The following TOP1MT variants were observed in gnomAD, a reference collection of about 807,000 sequenced individuals.
TOP1MT encodes the protein DNA topoisomerase I, mitochondrial.
In TOP1MT, 80 loss-of-function variants were observed where a neutral mutation model predicts 73.9. The ratio of observed to expected loss-of-function variants is 1.08; its 90% CI spans 0.90 to 1.30. TOP1MT has a LOEUF of 1.30. Ranked by LOEUF, TOP1MT falls within the 50% of genes most tolerant of loss-of-function variation. The pLI, the probability that TOP1MT is intolerant of heterozygous loss-of-function variation, is 0.00. For missense variants in TOP1MT, 815 were observed against 808.0 expected (o/e 1.01, Z -0.10); for synonymous variants, 338 against 326.4 (o/e 1.04, Z -0.38).
chr8:143,328,215 G>A (rs911741303), intron 3 of TOP1MT: 12 of 455,642 alleles, frequency 2.6e-5, no homozygotes, highest in Middle Eastern at 3.2e-4. Context: ...ATTGATAAAC[G>A]GCATAACTAA....
chr8:143,329,454 T>G lies in TOP1MT; in HGVS notation c.256A>C (p.Ser86Arg). 6.2e-7 allele frequency: 1 copy of G among 1,610,090 alleles called. No homozygotes were observed. The highest frequency in any genetic ancestry group is 1.1e-5 in the South Asian group (1 of 90,538). The change falls in exon 3 of 14, where the codon AGC (serine) becomes CGC (arginine). Residue 86 changes from serine to arginine, a missense_variant. By Grantham distance (110) the Ser-to-Arg change is moderately radical. Transcript: ENST00000329245. The part of the protein sequence containing the change: ...FFYEGRPVRL[S>R]VAAEEVATFY... Reference sequence around the variant, plus strand: ...GTGGCGACCTCCTCCGCTGCCACGCTCAATCTCACAGGCCTTCCTGCAGGC... The same window carrying G: ...GTGGCGACCTCCTCCGCTGCCACGCGCAATCTCACAGGCCTTCCTGCAGGC...
chr8:143,321,793 A>C (rs1816397927), intron 7 of TOP1MT, among the ~76,000 whole-genome samples: 1 of 73,368 alleles, frequency 1.4e-5, no homozygotes, highest in Non-Finnish European at 2.6e-5. Flanking sequence ...CCACACACGC[A>C]CGCCACACAC....
At chr8:143,346,398 C>T (rs1195830023), upstream of TOP1MT, among the ~76,000 whole-genome samples, 1 of 152,094 alleles carries the variant, frequency 6.6e-6, no homozygotes, top group East Asian at 1.9e-4. Context: ...CAGGCATTGC[C>T]CCTCAAATTT....
At chr8:143,352,970 G>A (rs1408539821) in intron 1 of TOP1MT, among the ~76,000 whole-genome samples, 1 of 152,054 alleles carries the variant, frequency 6.6e-6, no homozygotes, top group Non-Finnish European at 1.5e-5. Flanking sequence ...CACATAAATT[G>A]AACTCAGGTA....
rs1816638060 is a variant in TOP1MT, at chr8:143,324,126, T to A, written c.833A>T (p.Gln278Leu). ...CSKLKGETAWQKFETARRLRG... is the reference protein window; with the variant it reads ...CSKLKGETAWLKFETARRLRG... ...CAGGCGTCGAGCTGTTTCAAACTTCTGCCAAGCTGTCTCCCCCTAAACGAA... is the reference window on the plus strand; with the variant it reads ...CAGGCGTCGAGCTGTTTCAAACTTCAGCCAAGCTGTCTCCCCCTAAACGAA... Residue 278 changes from glutamine (Q) to leucine (L), a missense_variant, in exon 7 of 14, where the codon CAG (glutamine) becomes CTG (leucine). This residue lies in a region of TOP1MT where 751 missense variants were observed against 725.4 expected (regional missense o/e 1.04). Transcript: ENST00000329245. The A allele has an allele frequency of 6.2e-7, 1 of 1,613,658 alleles. No homozygotes were observed. The highest frequency in any genetic ancestry group is 1.1e-5 in the South Asian group (1 of 91,088).
At chr8:143,317,262 A>G (rs4551374) in intron 10 of TOP1MT, among the ~76,000 whole-genome samples, 147,892 of 152,196 alleles carry the variant, frequency 0.97, 71,874 homozygotes, top group East Asian at 1. Context: ...AAGCTTAGAC[A>G]GCATCCCCAG....
At chr8:143,321,952 C>CAG (rs1491163390) in intron 7 of TOP1MT, among the ~76,000 whole-genome samples, 1 of 125,704 alleles carries the variant, frequency 8.0e-6, no homozygotes, top group Non-Finnish European at 1.6e-5. Context: ...ACGCCACACA[C>CAG]GCACGCCACA....
At chr8:143,325,288 C>T in intron 5 of TOP1MT, 58 bp downstream of exon 5, 2 of 1,484,962 alleles carry the variant, frequency 1.3e-6, no homozygotes, top group Non-Finnish European at 9.1e-7. Context: ...GAAGAAAAGC[C>T]AGCCTCACCC....
intron 8 of TOP1MT, among the ~76,000 whole-genome samples, chr8:143,320,654 G>T (rs947342509): frequency 6.6e-6 from 1 of 152,130 alleles, no homozygotes; most frequent in Admixed American, 6.5e-5. Flanking sequence ...ACTCCAATAC[G>T]ACAGCGTCCT....
Position 143,341,413 on chromosome 8 carries a change from C to A in TOP1MT, c.29+1807G>T, listed in dbSNP as rs1342606216. 6.6e-6 allele frequency among the ~76,000 whole-genome samples: 1 copy of A among 152,198 alleles called. No homozygotes were observed. Among genetic ancestry groups the A allele is most frequent in the Non-Finnish European group, 1.5e-5 (1 of 68,032 alleles). On this transcript the variant is annotated intron_variant, in intron 2 of 5. Transcript: ENST00000518007. This position sits in a 1 kb window ranked among gnomAD's most constrained non-coding sequence, Gnocchi z 4.1. ...CCAAGGGCCATCTTCATCTTGTCTG[C>A]AGGAACCTCCGTGTGGCCTTGGGAC...
upstream of TOP1MT, among the ~76,000 whole-genome samples, chr8:143,338,168 G>A (rs1465873305): frequency 1.3e-5 from 2 of 152,158 alleles, no homozygotes; most frequent in Non-Finnish European, 2.9e-5. Context: ...GCTACTCAGG[G>A]GGCTGAGTGG....
intron 1 of TOP1MT, among the ~76,000 whole-genome samples, chr8:143,355,008 C>T (rs1056144166): frequency 6.6e-6 from 1 of 152,216 alleles, no homozygotes; most frequent in Admixed American, 6.5e-5. Context: ...TAAAAGTCTC[C>T]ATTTCTGGCT....
chr8:143,326,504 G>C (rs1816713555), intron 3 of TOP1MT, among the ~76,000 whole-genome samples, 160 bp from the exon 4 acceptor site: 1 of 152,196 alleles, frequency 6.6e-6, no homozygotes. Context: ...CCCGTAAATA[G>C]AGCCTCTCCC....
At chr8:143,322,767 C>T (rs1218684517) in intron 7 of TOP1MT, among the ~76,000 whole-genome samples, 2 of 38,012 alleles carry the variant, frequency 5.3e-5, no homozygotes, top group Admixed American at 3.7e-4. Context: ...CACACACGCA[C>T]GCCACACACA....
chr8:143,353,672 G>A (rs918435101), intron 1 of TOP1MT, among the ~76,000 whole-genome samples: 2 of 152,072 alleles, frequency 1.3e-5, no homozygotes, highest in Admixed American at 6.6e-5. Context: ...AATGTAAAAC[G>A]GTAATGCTGC....
intron 13 of TOP1MT, 170 bp downstream of exon 13, chr8:143,309,898 G>A: frequency 6.4e-7 from 1 of 1,571,620 alleles, no homozygotes; most frequent in Non-Finnish European, 8.6e-7. Context: ...TCAGGGCAGG[G>A]AGAGCTGATG....
rs141732543 is a variant in TOP1MT at position 143,321,900 on chromosome 8, CCACA to C, written c.961-518_961-515del. On this transcript the variant is annotated intron_variant, in intron 7 of 13. Transcript: ENST00000329245. ...CACACGCACGCCACACACAGGCACG[CCACA>C]CACACAGGCACGCCACACACATGCA... Among the ~76,000 whole-genome samples, 56 of 44,076 alleles carry C rather than the reference CCACA, an allele frequency of 1.3e-3. 6 individuals carry two copies. The highest frequency in any genetic ancestry group is 3.0e-3 in the African/African-American group (52 of 17,078). 28.9% of individuals were successfully genotyped at this position (44,076 alleles called of 152,430 possible). A position where few individuals can be genotyped will look rare whatever the true frequency, so the allele number is the denominator to read the frequency against.
Position 143,309,510 on chromosome 8 carries a change from G to C in TOP1MT, c.1737C>G (p.Ile579Met), listed in dbSNP as rs57668451. Residue 579 changes from isoleucine to methionine, a missense_variant, in exon 14 of 14, where the codon ATC (isoleucine) becomes ATG (methionine). This residue lies in a region of TOP1MT where 751 missense variants were observed against 725.4 expected (regional missense o/e 1.04). Coordinates refer to ENST00000329245, the MANE Select transcript of TOP1MT (RefSeq NM_052963.3). ...CKRFRVPVEK[I>M]YSKTQRERFA... ...ACCTCTCCCGCTGTGTTTTGCTGTA[G>C]ATCTTCTCCACTGGCACCCTGAACC... The C allele has an allele frequency of 6.2e-7, 1 of 1,613,938 alleles. No individual in the cohort carries two copies. The highest frequency in any genetic ancestry group is 8.5e-7 in the Non-Finnish European group (1 of 1,180,038).
At chr8:143,326,164 G>A in intron 4 of TOP1MT, 58 bp downstream of exon 4, 1 of 1,598,206 alleles carries the variant, frequency 6.3e-7, no homozygotes, top group African/African-American at 1.3e-5. Context: ...TTTGGGCCAG[G>A]CCGGCCTCTC....
Sources: allele counts gnomAD v4.1 joint callset (sites outside exome capture counted in the v4.1 genomes callset), GRCh38; gene constraint gnomAD v4.1.1; regional missense constraint gnomAD v4.1.1; non-coding constraint Gnocchi (gnomAD v3.1); transcripts MANE v1.5; gene names NCBI Gene and HGNC (gene_info 2026-07-23, HGNC 2026-07-21).